The following NUP205 variants were observed in gnomAD, a reference collection of about 807,000 sequenced individuals.
NUP205 encodes the protein nucleoporin 205.
In NUP205, 76 loss-of-function variants were observed where a neutral mutation model predicts 253.8. The ratio of observed to expected loss-of-function variants is 0.30; its 90% CI spans 0.25 to 0.36. The LOEUF (loss-of-function observed/expected upper bound fraction) is 0.36, where lower values mean the gene tolerates loss of function less well. Ranked by LOEUF, NUP205 falls within the 10% of genes least tolerant of loss-of-function variation. The pLI is 1.00. For synonymous variants in NUP205, 832 were observed against 850.1 expected (o/e 0.98, Z 0.37); for missense variants, 2,162 against 2,425.5 (o/e 0.89, Z 2.28).
At chr7:135,621,205 G>A (rs1794463929) in intron 30 of NUP205, among the ~76,000 whole-genome samples, 1 of 152,188 alleles carries the variant, frequency 6.6e-6, no homozygotes, top group South Asian at 2.1e-4. Context: ...GGTAGTAATA[G>A]CCAAATGGTA....
intron 3 of NUP205, among the ~76,000 whole-genome samples, 155 bp downstream of exon 3, chr7:135,573,980 TG>T (rs1312186063): frequency 6.6e-6 from 1 of 152,178 alleles, no homozygotes; most frequent in Non-Finnish European, 1.5e-5. Context: ...TAATCTTTGT[TG>T]TTTTTTTTTG....
intron 10 of NUP205, among the ~76,000 whole-genome samples, chr7:135,589,920 A>G (rs1366242782): frequency 6.6e-6 from 1 of 151,198 alleles, no homozygotes; most frequent in African/African-American, 2.4e-5. Flanking sequence ...CCTGTCTCAA[A>G]AGAAAAAGAA....
chr7:135,600,577 T>C (rs1309689556), intron 15 of NUP205, among the ~76,000 whole-genome samples: 1 of 152,212 alleles, frequency 6.6e-6, no homozygotes, highest in Non-Finnish European at 1.5e-5. Flanking sequence ...AAATTGAATA[T>C]GACTAGATAC....
chr7:135,578,888 G>C lies in NUP205; in HGVS notation c.1015G>C (p.Gly339Arg). ...ACTTGCCTGGGCGCTGGCATTGAGG[G>C]GAATATCCCAGCTACCTGATGTGAC... is the stretch of plus-strand genomic sequence containing the variant. ...VRLAWALALR[G>R]ISQLPDVTAL... Residue 339 changes from glycine (G) to arginine (R), a missense_variant, in exon 7 of 43, where the codon GGA becomes CGA. By Grantham distance (125) the Gly-to-Arg change is moderately radical (BLOSUM62 -2). This residue lies in a region of NUP205 where 892 missense variants were observed against 957.1 expected (regional missense o/e 0.93). Transcript: ENST00000285968. 6.2e-7 allele frequency: 1 copy of C among 1,603,636 alleles called. No individual in the cohort carries two copies. The highest frequency in any genetic ancestry group is 8.5e-7 in the Non-Finnish European group (1 of 1,176,774).
chr7:135,567,687 A>G (rs896720890), intron 1 of NUP205, among the ~76,000 whole-genome samples: 2 of 152,120 alleles, frequency 1.3e-5, no homozygotes, highest in Admixed American at 1.3e-4. Context: ...ATTACATTAC[A>G]GTTATCTTTC....
intron 6 of NUP205, 54 bp from the exon 7 acceptor site, chr7:135,578,697 A>C: frequency 7.6e-7 from 1 of 1,309,904 alleles, no homozygotes. Context: ...CCTGTGTATC[A>C]GAAGTGAGAA....
In NUP205 at chr7:135,646,139, T is replaced by C. The variant is rs1457753132; in HGVS notation, c.5813-19T>C. On this transcript the variant is annotated intron_variant, in intron 41 of 42. Coordinates refer to ENST00000285968, the MANE Select transcript of NUP205 (RefSeq NM_015135.3). ...TAGGTACTTGCACAGCCGGTATGAC[T>C]CTGTTTTTTTATCTCTAGATTCCTT... The C allele has an allele frequency of 4.4e-6, 7 of 1,582,436 alleles. No individual in the cohort carries two copies. Among genetic ancestry groups the C allele is most frequent in the Non-Finnish European group, 5.2e-6 (6 of 1,151,272 alleles).
At chr7:135,595,244 G>A (rs1584660448) in intron 13 of NUP205, among the ~76,000 whole-genome samples, 1 of 151,702 alleles carries the variant, frequency 6.6e-6, no homozygotes, top group Middle Eastern at 3.4e-3. Context: ...TTTTAAGATA[G>A]GGTCTCGCTG....
Position 135,601,388 on chromosome 7 carries a change from A to G in NUP205, c.2393A>G (p.Tyr798Cys), listed in dbSNP as rs142467605. ...VELQGEEIIA[Y>C]KPPGFSLMYH... ...TATTTAGGAGAAGAAATCATAGCCT[A>G]TAAGCCACCTGGATTTAGTCTGATG... Residue 798 changes from tyrosine (Y) to cysteine (C), a missense_variant, in exon 17 of 43, where the codon TAT becomes TGT. Around this residue, in one of 5 missense-constraint regions of NUP205, gnomAD observed 892 missense variants for 957.1 expected, o/e 0.93. Coordinates refer to ENST00000285968, the MANE Select transcript of NUP205 (RefSeq NM_015135.3). The G allele has an allele frequency of 4.2e-5, 68 of 1,613,362 alleles. No individual in the cohort carries two copies. The African/African-American group carries it at 5.1e-4, about 12-fold the overall frequency.
At chr7:135,628,202 A>G in intron 34 of NUP205, 91 bp downstream of exon 34, 1 of 1,250,740 alleles carries the variant, frequency 8.0e-7, no homozygotes, top group Middle Eastern at 2.2e-4. Flanking sequence ...GCTTAAGTGA[A>G]TTTACGTTAG....
chr7:135,614,683 A>T (rs1192388874), intron 23 of NUP205, among the ~76,000 whole-genome samples: 1 of 152,222 alleles, frequency 6.6e-6, no homozygotes, highest in Non-Finnish European at 1.5e-5. Context: ...AGATCTTGAA[A>T]TGAAAAGTTG....
chr7:135,598,149 T>G lies in NUP205; in HGVS notation c.2216T>G (p.Leu739Arg). The part of the protein sequence containing the change: ...PPGFDPYLQF[L>R]RDSVFLRFRT... ...GGCTTTGACCCTTATTTGCAGTTCC[T>G]TAGAGACTCTGTGTTTCTACGATTC... Residue 739 changes from leucine to arginine, a missense_variant, in exon 15 of 43, where the codon CTT (leucine) becomes CGT (arginine). Physicochemically the swap from Leu to Arg is moderately radical, Grantham distance 102. Around this residue, in one of 5 missense-constraint regions of NUP205, gnomAD observed 892 missense variants for 957.1 expected, o/e 0.93. Transcript: ENST00000285968. 1 of 1,614,144 alleles carries G rather than the reference T, an allele frequency of 6.2e-7. No homozygotes were observed. Among genetic ancestry groups the G allele is most frequent in the Non-Finnish European group, 8.5e-7 (1 of 1,180,002 alleles).
intron 35 of NUP205, among the ~76,000 whole-genome samples, chr7:135,631,057 C>A (rs943538717): frequency 6.6e-6 from 1 of 151,168 alleles, no homozygotes; most frequent in East Asian, 1.9e-4. Flanking sequence ...TCAAACATTG[C>A]TTTATGTGTA....
intron 33 of NUP205, 44 bp from the exon 34 acceptor site, chr7:135,627,929 A>T (rs1195548350): frequency 6.2e-7 from 1 of 1,603,158 alleles, no homozygotes; most frequent in Admixed American, 1.7e-5. Flanking sequence ...CCGAGAGTAT[A>T]CCTTAATTCT....
At chr7:135,642,798 T>C (rs1341121157) in intron 38 of NUP205, among the ~76,000 whole-genome samples, 1 of 151,898 alleles carries the variant, frequency 6.6e-6, no homozygotes, top group African/African-American at 2.4e-5. Flanking sequence ...AGTCACTTGG[T>C]GTTAAGAAAC....
At chr7:135,615,181 A>G (rs1794330092) in intron 23 of NUP205, among the ~76,000 whole-genome samples, 1 of 152,152 alleles carries the variant, frequency 6.6e-6, no homozygotes. Context: ...TATTATTAGT[A>G]TTGTTATATG....
At chr7:135,564,592 G>C (rs1805695014) in intron 1 of NUP205, among the ~76,000 whole-genome samples, 1 of 151,676 alleles carries the variant, frequency 6.6e-6, no homozygotes, top group African/African-American at 2.4e-5. Flanking sequence ...TGTGACCCAG[G>C]CTGGTCTTGA....
At chr7:135,638,184 T>C in intron 37 of NUP205, 125 bp downstream of exon 37, 3 of 954,820 alleles carry the variant, frequency 3.1e-6, no homozygotes, top group Non-Finnish European at 4.6e-6. Context: ...CCAAGGCGGA[T>C]GGATCACCTG....
At chr7:135,558,335 G>A (rs1805488640) in intron 1 of NUP205, 1 of 288,002 alleles carries the variant, frequency 3.5e-6, no homozygotes. Context: ...GAAGCCAGAG[G>A]ACCCGAGATA....
Sources: gnomAD v4.1 joint callset for allele counts (sites outside exome capture counted in the v4.1 genomes callset) on GRCh38, gnomAD v4.1.1 for gene constraint, gnomAD v4.1.1 regional missense constraint, MANE v1.5 for transcripts, NCBI Gene and HGNC (gene_info 2026-07-23, HGNC 2026-07-21) for gene names.